SCAPER: variants seen among roughly 807,000 people sequenced by gnomAD.
The protein encoded by SCAPER is S phase cyclin A-associated protein in the endoplasmic reticulum.
A neutral mutation model predicts 182.2 loss-of-function variants in SCAPER; 98 were observed. That is an observed-to-expected ratio of 0.54 (90% confidence interval 0.46 to 0.64). The LOEUF is 0.64. Ranked by LOEUF, SCAPER falls within the 30% of genes least tolerant of loss-of-function variation. The pLI is 0.00. For synonymous variants in SCAPER, 605 were observed against 564.6 expected (o/e 1.07, Z -1.01); for missense variants, 1,432 against 1,690.0 (o/e 0.85, Z 2.68).
chr15:76,793,198 A>G, intron 8 of SCAPER: 2 of 1,145,152 alleles, frequency 1.7e-6, no homozygotes, highest in African/African-American at 1.6e-5. Flanking sequence ...TCAGTTCTAT[A>G]GCTACTGTTA....
At chr15:76,798,017 T>C (rs917986721) in intron 7 of SCAPER, among the ~76,000 whole-genome samples, 4 of 151,488 alleles carry the variant, frequency 2.6e-5, no homozygotes, top group Admixed American at 6.6e-5. Flanking sequence ...AGCCCGGACA[T>C]TGGGCTTACT....
At chr15:76,440,436 T>C (rs1158609829) in intron 25 of SCAPER, among the ~76,000 whole-genome samples, 2 of 152,248 alleles carry the variant, frequency 1.3e-5, no homozygotes, top group Non-Finnish European at 2.9e-5. Context: ...TGTTCTGTAA[T>C]GTGATTCCAT....
At chr15:76,600,444 T>TAC (rs1304591792) in intron 22 of SCAPER, among the ~76,000 whole-genome samples, 837 of 38,972 alleles carry the variant, frequency 0.021, 63 homozygotes, top group African/African-American at 0.04. Flanking sequence ...CATATACATA[T>TAC]ATATATATAT....
At chr15:76,665,622 T>G (rs2056516014) in intron 21 of SCAPER, 31 bp downstream of exon 21, 2 of 1,555,030 alleles carry the variant, frequency 1.3e-6, no homozygotes, top group East Asian at 4.5e-5. Flanking sequence ...ACTAAAAGTT[T>G]TTCTTTTGCT....
chr15:76,893,206 T>C (rs1176751104), intron 1 of SCAPER, among the ~76,000 whole-genome samples: 1 of 152,050 alleles, frequency 6.6e-6, no homozygotes, highest in Non-Finnish European at 1.5e-5. Context: ...GGGATAGCAT[T>C]AGGAGAAATA....
At chr15:76,857,105 A>G (rs2071451247) in intron 4 of SCAPER, among the ~76,000 whole-genome samples, 1 of 152,194 alleles carries the variant, frequency 6.6e-6, no homozygotes, top group Admixed American at 6.5e-5. Context: ...CATTGAAGGC[A>G]TAGCAGAGGA....
chr15:76,893,244 G>A (rs1300544405), intron 1 of SCAPER, among the ~76,000 whole-genome samples: 1 of 152,110 alleles, frequency 6.6e-6, no homozygotes, highest in East Asian at 1.9e-4. Flanking sequence ...GTTGATGGGT[G>A]CAGCAAACCA....
intron 15 of SCAPER, 59 bp downstream of exon 15, chr15:76,753,749 T>C: frequency 6.5e-7 from 1 of 1,544,264 alleles, no homozygotes; most frequent in Non-Finnish European, 8.8e-7. Context: ...TACTATTATA[T>C]AACAATTCAA....
intron 22 of SCAPER, among the ~76,000 whole-genome samples, chr15:76,597,753 G>C (rs1438554752): frequency 8.3e-6 from 1 of 120,722 alleles, no homozygotes; most frequent in Non-Finnish European, 2.0e-5. Flanking sequence ...GCCATATGTA[G>C]AGAACTGAAA....
intron 17 of SCAPER, among the ~76,000 whole-genome samples, chr15:76,711,205 T>G (rs1042969344): frequency 2.6e-5 from 4 of 152,270 alleles, no homozygotes; most frequent in Admixed American, 6.5e-5. Flanking sequence ...ATACTGGACA[T>G]CATCAAAATT....
At chr15:76,829,042 A>T (rs1449144895) in intron 5 of SCAPER, among the ~76,000 whole-genome samples, 1 of 152,222 alleles carries the variant, frequency 6.6e-6, no homozygotes, top group Non-Finnish European at 1.5e-5. Context: ...AATTTCAAAA[A>T]TTTGAAACCA....
At chr15:76,710,775 T>G (rs2059520331) in intron 17 of SCAPER, among the ~76,000 whole-genome samples, 1 of 152,106 alleles carries the variant, frequency 6.6e-6, no homozygotes, top group Non-Finnish European at 1.5e-5. Context: ...AAAATTTATA[T>G]GGAAAGGCAA....
intron 21 of SCAPER, 22 bp from the exon 22 acceptor site, chr15:76,621,851 A>G: frequency 6.4e-7 from 1 of 1,555,478 alleles, no homozygotes; most frequent in Non-Finnish European, 8.8e-7. Flanking sequence ...AAAAGTTTTA[A>G]CACAGTTATT....
At position 76,609,450 on chromosome 15, in the gene SCAPER, G is replaced by T. The variant is rs1033666632; in HGVS notation, c.2711+12314C>A. ...TACAGTAAGCTATGATCATGCCACT[G>T]CACTTCAGCCTGGGCAACAGAATGA... On this transcript the variant is annotated intron_variant, in intron 22 of 31. Coordinates refer to ENST00000563290, the MANE Select transcript of SCAPER (RefSeq NM_020843.4). 2.0e-5 allele frequency among the ~76,000 whole-genome samples: 3 copies of T among 152,072 alleles called. No individual in the cohort carries two copies. In the East Asian group the frequency reaches 5.8e-4, roughly 29 times the overall value.
At chr15:76,572,271 T>C (rs2047484587) in intron 23 of SCAPER, among the ~76,000 whole-genome samples, 1 of 152,236 alleles carries the variant, frequency 6.6e-6, no homozygotes, top group Non-Finnish European at 1.5e-5. Context: ...TTCAAGCAAT[T>C]GCCTTTTAAT....
At chr15:76,629,130 T>C (rs1567643715) in intron 21 of SCAPER, among the ~76,000 whole-genome samples, 2 of 151,742 alleles carry the variant, frequency 1.3e-5, no homozygotes. Context: ...ATCGTGAGAC[T>C]TTGCTTATCA....
At chr15:76,414,722 TAACG>T (rs151106299) in intron 26 of SCAPER, among the ~76,000 whole-genome samples, 10,312 of 152,246 alleles carry the variant, frequency 0.068, 381 homozygotes, top group Middle Eastern at 0.11. Flanking sequence ...CATAACAGTC[TAACG>T]GAGTTTCAAA....
intron 4 of SCAPER, among the ~76,000 whole-genome samples, chr15:76,851,410 G>C (rs947977632): frequency 4.5e-4 from 68 of 152,098 alleles, no homozygotes; most frequent in African/African-American, 1.5e-3. Context: ...AGGTTGAAAT[G>C]AAAGAAAAAA....
intron 25 of SCAPER, among the ~76,000 whole-genome samples, chr15:76,448,429 G>A (rs941422234): frequency 8.5e-5 from 13 of 152,144 alleles, no homozygotes; most frequent in Non-Finnish European, 1.5e-4. Context: ...TTGTTTACCA[G>A]GATGGGGAAT....
Sources: gnomAD v4.1 joint callset for allele counts (sites outside exome capture counted in the v4.1 genomes callset) on GRCh38, gnomAD v4.1.1 for gene constraint, MANE v1.5 for transcripts, NCBI Gene and HGNC (gene_info 2026-07-23, HGNC 2026-07-21) for gene names.